Variants in GGA1 observed in about 807,000 individuals in gnomAD.
GGA1 encodes the protein ADP-ribosylation factor-binding protein GGA1.
In GGA1, 18 loss-of-function variants were observed where a neutral mutation model predicts 76.9. The observed-to-expected ratio is 0.23, with a 90% CI of 0.16 to 0.35. The LOEUF is 0.35. GGA1 is among the 10% of genes least tolerant of loss of function. GGA1 has a pLI of 1.00. For missense variants in GGA1, 755 were observed against 859.0 expected, an observed-to-expected ratio of 0.88 and a Z score of 1.51; for synonymous variants, 342 against 354.7, an observed-to-expected ratio of 0.96 and a Z score of 0.40.
At position 37,624,855 on chromosome 22, in the gene GGA1, C is replaced by T. The variant is rs1930523757; in HGVS notation, c.833-114C>T. 3 of 1,421,210 alleles carry T rather than the reference C, an allele frequency of 2.1e-6. No individual in the cohort carries two copies. The highest frequency in any genetic ancestry group is 2.8e-6 in the Non-Finnish European group (3 of 1,058,684). The allele number at this position is 1,421,210 out of a possible 1,614,324, so 88.0% of individuals were successfully genotyped here. On this transcript the variant is annotated intron_variant, in intron 9 of 16. Transcript: ENST00000343632. This position sits in a 1 kb window ranked among gnomAD's most constrained non-coding sequence, Gnocchi z 4.3. ...GCAGACGAGATGGGCTGTTTCCCTG[C>T]CCCTTTCCCTTCCCCTCACACACAG...
At chr22:37,618,205 C>T in intron 3 of GGA1, 1 of 462,084 alleles carries the variant, frequency 2.2e-6, no homozygotes, top group Non-Finnish European at 3.9e-6. Flanking sequence ...ATGAATGGGA[C>T]TAGAGCATTG....
At chr22:37,617,144 C>T (rs543857667) in intron 3 of GGA1, 147 bp downstream of exon 3, 21 of 1,492,424 alleles carry the variant, frequency 1.4e-5, no homozygotes, top group East Asian at 2.7e-5. Context: ...GGGCCTGCCC[C>T]AAGGGTCCCA....
chr22:37,631,140 C>G (rs1359230515), intron 14 of GGA1, 41 bp downstream of exon 14: 1 of 1,432,834 alleles, frequency 7.0e-7, no homozygotes, highest in Admixed American at 2.5e-5. Flanking sequence ...GTTGGGTCAG[C>G]TTGCTGCCCT....
rs376812614 is a variant in GGA1 at position 37,625,515 on chromosome 22, C to T, written c.941-282C>T. ...TGTTAGGGAGAAGTGGAGATGGAGG[C>T]GCTGCACGGAAGCAGCCAAGTTTCA... is the stretch of plus-strand genomic sequence containing the variant. On this transcript the variant is annotated intron_variant, in intron 10 of 16. Transcript: ENST00000343632. The surrounding 1 kb of genome is among the most constrained non-coding windows in gnomAD (Gnocchi z 4.1). Among the ~76,000 whole-genome samples, 1 of 151,978 alleles carries T rather than the reference C, an allele frequency of 6.6e-6. No homozygotes were observed. Among genetic ancestry groups the T allele is most frequent in the South Asian group, 2.1e-4 (1 of 4,820 alleles).
At position 37,620,923 on chromosome 22, in the gene GGA1, C is replaced by T. The variant is rs1418065634; in HGVS notation, c.528+10C>T. ...TGAGGAGAAATCCAAGGTGAGACTC[C>T]AAGGAGGCACATATGGGGACTCTGA... On this transcript the variant is annotated intron_variant, in intron 6 of 16. Transcript: ENST00000343632. 1.3e-6 allele frequency: 2 copies of T among 1,531,194 alleles called. No homozygotes were observed. Among genetic ancestry groups the T allele is most frequent in the Non-Finnish European group, 1.8e-6 (2 of 1,104,144 alleles). 94.9% of individuals were successfully genotyped at this position (1,531,194 alleles called of 1,614,324 possible).
rs150803628 is a variant in GGA1, at chr22:37,632,082, G to A, written c.1615G>A (p.Asp539Asn). 2.7e-5 allele frequency: 43 copies of A among 1,613,634 alleles called. No individual in the cohort carries two copies. Among genetic ancestry groups the A allele is most frequent in the Non-Finnish European group, 2.5e-5 (29 of 1,179,952 alleles). The stretch of plus-strand genomic sequence containing the variant: ...CCGGGACCCACTGCCAGGGCGCTCC[G>A]ACGTGCTGGTGGTGGTGGTTTCCAT... ...FARDPLPGRSDVLVVVVSMLS... is the reference protein window; with the variant it reads ...FARDPLPGRSNVLVVVVSMLS... The change falls in exon 15 of 17, where the codon GAC becomes AAC. Residue 539 changes from aspartate (D) to asparagine (N), a missense_variant. Asp to Asn is a conservative substitution (Grantham distance 23, BLOSUM62 1). Coordinates refer to ENST00000343632, the MANE Select transcript of GGA1 (RefSeq NM_013365.5). This position sits in a 1 kb window ranked among gnomAD's most constrained non-coding sequence, Gnocchi z 5.1.
rs1393368489 is a variant in GGA1 at position 37,616,956 on chromosome 22, A to T, written c.163A>T (p.Ile55Phe). Reference protein sequence around the residue: ...PLATRLLAHKIQSPQEWEAIQ... With the variant: ...PLATRLLAHKFQSPQEWEAIQ... ...CGCCACCCGGCTGCTGGCCCACAAG[A>T]TCCAGTCCCCACAGGAGTGGGAGGC... The change falls in exon 3 of 17, where the codon ATC becomes TTC. Residue 55 changes from isoleucine to phenylalanine, a missense_variant. Coordinates refer to ENST00000343632, the MANE Select transcript of GGA1 (RefSeq NM_013365.5). 1.2e-6 allele frequency: 2 copies of T among 1,609,362 alleles called. No homozygotes were observed. The highest frequency in any genetic ancestry group is 2.2e-5 in the South Asian group (2 of 90,146).
At chr22:37,609,377 A>G in intron 1 of GGA1, 1 of 1,060,440 alleles carries the variant, frequency 9.4e-7, no homozygotes, top group Non-Finnish European at 1.2e-6. Flanking sequence ...ACATTTGCTC[A>G]TTACCCCGTC....
chr22:37,620,770 C>G, intron 5 of GGA1, 43 bp from the exon 6 acceptor site: 1 of 1,199,696 alleles, frequency 8.3e-7, no homozygotes, highest in Non-Finnish European at 1.2e-6. Flanking sequence ...TACCCCTGGG[C>G]CTGGGACATA....
At chr22:37,617,403 C>A in intron 3 of GGA1, 1 of 1,074,488 alleles carries the variant, frequency 9.3e-7, no homozygotes, top group South Asian at 2.7e-5. Context: ...TGGGCTCAGG[C>A]CTGAGGTTTT....
In GGA1 at chr22:37,625,845, C is replaced by G. The variant is rs375037202; in HGVS notation, c.989C>G (p.Ala330Gly). 6.2e-7 allele frequency: 1 copy of G among 1,610,716 alleles called. No individual in the cohort carries two copies. The highest frequency in any genetic ancestry group is 1.3e-5 in the African/African-American group (1 of 74,892). ...CTCTCAGGCCTGGATCTCCCGCCTGCGGGCACCACCTACCCAGCTATGCCC... is the reference window on the plus strand; with the variant it reads ...CTCTCAGGCCTGGATCTCCCGCCTGGGGGCACCACCTACCCAGCTATGCCC... ...LDLSGLDLPPAGTTYPAMPTR... is the reference protein window; with the variant it reads ...LDLSGLDLPPGGTTYPAMPTR... The change falls in exon 11 of 17, where the codon GCG becomes GGG. Residue 330 changes from alanine to glycine, a missense_variant. Ala to Gly is a moderately conservative substitution (Grantham distance 60, BLOSUM62 0). Coordinates refer to ENST00000343632, the MANE Select transcript of GGA1 (RefSeq NM_013365.5). This position sits in a 1 kb window ranked among gnomAD's most constrained non-coding sequence, Gnocchi z 4.1.
chr22:37,615,852 T>C (rs1928680592), intron 2 of GGA1, among the ~76,000 whole-genome samples: 1 of 151,930 alleles, frequency 6.6e-6, no homozygotes, highest in African/African-American at 2.4e-5. Context: ...TTTTTATTTT[T>C]TTTTTTGAGA....
chr22:37,624,650 G>A lies in GGA1; in HGVS notation c.833-319G>A. 3.5e-6 allele frequency: 1 copy of A among 283,584 alleles called. No homozygotes were observed. The allele number at this position is 283,584 out of a possible 1,614,324, so 17.6% of individuals were successfully genotyped here. ...TGAGGTGAGCCTTGGGTGAAGACCT[G>A]AAGGCAGTAAGGGATGAAGCCATGC... On this transcript the variant is annotated intron_variant, in intron 9 of 16. Transcript: ENST00000343632. The surrounding 1 kb of genome is among the most constrained non-coding windows in gnomAD (Gnocchi z 4.3).
rs1475815828 is a variant in GGA1, at chr22:37,623,039, C to T, written c.610-288C>T. On this transcript the variant is annotated intron_variant, in intron 7 of 16. Transcript: ENST00000343632. This position sits in a 1 kb window ranked among gnomAD's most constrained non-coding sequence, Gnocchi z 4.6. ...CACAGTGGAGGTCTAGGGCCCTGGG[C>T]CTTCAGAAGCACCTGGTGAGGGGTT... Among the ~76,000 whole-genome samples the T allele has an allele frequency of 6.6e-6, 1 of 152,216 alleles. No individual in the cohort carries two copies. The highest frequency in any genetic ancestry group is 6.5e-5 in the Admixed American group (1 of 15,286).
chr22:37,615,716 A>G (rs974724312), intron 2 of GGA1, among the ~76,000 whole-genome samples: 1 of 152,046 alleles, frequency 6.6e-6, no homozygotes, highest in Non-Finnish European at 1.5e-5. Context: ...GTGAGCCAAG[A>G]TTGCATTACT....
Position 37,621,497 on chromosome 22 carries a change from G to C in GGA1, c.529-119G>C, listed in dbSNP as rs546898993. The C allele has an allele frequency of 3.5e-4, 228 of 658,722 alleles. No homozygotes were observed. In the Middle Eastern group the frequency reaches 4.1e-3, roughly 12 times the overall value. The allele number at this position is 658,722 out of a possible 1,614,324, so 40.8% of individuals were successfully genotyped here. A position where few individuals can be genotyped will look rare whatever the true frequency, so the allele number is the denominator to read the frequency against. ...CAGTAAATTCTCACCATTTCACAGAGAGCTTAAGTAACTTACTCAGGTCCC... is the reference window on the plus strand; with the variant it reads ...CAGTAAATTCTCACCATTTCACAGACAGCTTAAGTAACTTACTCAGGTCCC... On this transcript the variant is annotated intron_variant, in intron 6 of 16. Coordinates refer to ENST00000343632, the MANE Select transcript of GGA1 (RefSeq NM_013365.5).
intron 5 of GGA1, among the ~76,000 whole-genome samples, chr22:37,620,581 G>A (rs1929699870): frequency 6.6e-6 from 1 of 152,190 alleles, no homozygotes; most frequent in Non-Finnish European, 1.5e-5. Context: ...TCCCCTCAAA[G>A]AGTGGTCTCC....
Position 37,630,921 on chromosome 22 carries a change from C to A in GGA1, c.1350C>A (p.Thr450=). The change falls in exon 14 of 17, where the codon ACC becomes ACA. Residue 450 remains threonine (T), a synonymous_variant. Coordinates refer to ENST00000343632, the MANE Select transcript of GGA1 (RefSeq NM_013365.5). ...QQVRWEKQQP[T]PRLTLRDLQN... is the part of the protein sequence containing the mutation. ...GATTAAGGGAGAAGCAGCAGCCAAC[C>A]CCCCGGCTCACACTCCGGGACCTGC... The A allele has an allele frequency of 6.2e-7, 1 of 1,611,090 alleles. No individual in the cohort carries two copies. The highest frequency in any genetic ancestry group is 8.5e-7 in the Non-Finnish European group (1 of 1,178,952).
chr22:37,630,486 T>C (rs1262749826), intron 13 of GGA1, among the ~76,000 whole-genome samples: 1 of 152,192 alleles, frequency 6.6e-6, no homozygotes, highest in East Asian at 1.9e-4. Context: ...AGCTGCTCCT[T>C]CTAAAGGTAA....
Sources: allele counts gnomAD v4.1 joint callset (sites outside exome capture counted in the v4.1 genomes callset), GRCh38; gene constraint gnomAD v4.1.1; non-coding constraint Gnocchi (gnomAD v3.1); transcripts MANE v1.5; gene names NCBI Gene and HGNC (gene_info 2026-07-23, HGNC 2026-07-21).